Variants in PGPEP1L observed in about 807,000 individuals in gnomAD.
PGPEP1L encodes the protein pyroglutamyl-peptidase I like, also known as pyroglutamyl-peptidase 1-like protein.
In PGPEP1L, 7 loss-of-function variants were observed where a neutral mutation model predicts 6.0. The observed-to-expected ratio is 1.17, with a 90% CI of 0.66 to 2.19. The LOEUF is 2.19. Among genes scored for constraint, PGPEP1L ranks in the 30% most tolerant of loss-of-function variants. The probability of loss-of-function intolerance (pLI) is 0.00; values close to 1 mark genes in which losing one functional copy is unlikely to be tolerated. For synonymous variants in PGPEP1L, 103 were observed against 83.9 expected (o/e 1.23, Z -1.24); for missense variants, 209 against 192.5 (o/e 1.09, Z -0.51).
chr15:98,979,645 T>C (rs2017627972), intron 2 of PGPEP1L, among the ~76,000 whole-genome samples: 2 of 36,346 alleles, frequency 5.5e-5, no homozygotes, highest in African/African-American at 1.5e-4. Context: ...TTTTTTTTTT[T>C]TTTTTTTTTT....
chr15:98,993,501 A>G (rs1173660714), intron 2 of PGPEP1L, among the ~76,000 whole-genome samples: 4 of 152,232 alleles, frequency 2.6e-5, no homozygotes, highest in African/African-American at 9.6e-5. Flanking sequence ...TGTTGGTGGG[A>G]GTGTAAACTA....
chr15:99,007,199 G>A (rs1290360010), intron 1 of PGPEP1L, among the ~76,000 whole-genome samples, 160 bp downstream of exon 1: 24 of 152,186 alleles, frequency 1.6e-4, no homozygotes, highest in Admixed American at 1.6e-3. Context: ...TCCCTGTCCT[G>A]AGAAGCTGGG....
intron 2 of PGPEP1L, chr15:98,998,271 C>T (rs1174547473): frequency 6.6e-6 from 1 of 152,514 alleles, no homozygotes; most frequent in East Asian, 1.9e-4. Context: ...TCTGTTCCTG[C>T]TCCTCAGACC....
At chr15:98,971,191 TGATGGGG>T (rs2017489660) in intron 2 of PGPEP1L, 33 bp from the exon 3 acceptor site, 1 of 472,176 alleles carries the variant, frequency 2.1e-6, no homozygotes, top group Non-Finnish European at 3.0e-6. Flanking sequence ...TTGCCTCAGT[TGATGGGG>T]GGGGGGGGGG....
intron 1 of PGPEP1L, 47 bp downstream of exon 1, chr15:99,007,312 G>A (rs1405513442): frequency 6.6e-6 from 1 of 152,250 alleles, no homozygotes; most frequent in Non-Finnish European, 1.5e-5. Flanking sequence ...TGTAGACTTG[G>A]TCTCTACCTC....
In PGPEP1L at chr15:98,970,250, G is replaced by C. The variant is rs962078887; in HGVS notation, c.-18-599C>G. Among the ~76,000 whole-genome samples, 6 of 151,264 alleles carry C rather than the reference G, an allele frequency of 4.0e-5. No individual in the cohort carries two copies. In the East Asian group the frequency reaches 1.2e-3, roughly 29 times the overall value. ...GTAGAGATGGGATTTCACCATGTTG[G>C]CCAGGCTGGTCTCAAACTCCTGACC... is the stretch of plus-strand genomic sequence containing the variant. On this transcript the variant is annotated intron_variant, in intron 3 of 4. Coordinates refer to ENST00000535714, the MANE Select transcript of PGPEP1L (RefSeq NM_001167902.2).
intron 2 of PGPEP1L, among the ~76,000 whole-genome samples, chr15:99,000,896 T>G (rs868965883): frequency 5.6e-4 from 85 of 152,182 alleles, no homozygotes; most frequent in Middle Eastern, 6.8e-3. Context: ...CTCTTTACAA[T>G]CAATCTTGCT....
At chr15:98,995,276 T>TA (rs2017871970) in intron 2 of PGPEP1L, among the ~76,000 whole-genome samples, 1 of 152,270 alleles carries the variant, frequency 6.6e-6, no homozygotes, top group Non-Finnish European at 1.5e-5. Flanking sequence ...ATCTGTCTTC[T>TA]AGTTCACTAA....
chr15:98,986,690 T>A (rs1912010), intron 2 of PGPEP1L, among the ~76,000 whole-genome samples: 5 of 152,082 alleles, frequency 3.3e-5, no homozygotes, highest in South Asian at 2.1e-4. Flanking sequence ...GGCTGGCATC[T>A]GAAGTGGGGA....
chr15:98,991,221 A>G (rs1596523257), intron 2 of PGPEP1L, among the ~76,000 whole-genome samples: 1 of 152,172 alleles, frequency 6.6e-6, no homozygotes, highest in South Asian at 2.1e-4. Flanking sequence ...TAGCCAGACT[A>G]ATAAAGAAAA....
chr15:98,971,346 C>T (rs1414678813), intron 2 of PGPEP1L, among the ~76,000 whole-genome samples, 188 bp from the exon 3 acceptor site: 1 of 152,054 alleles, frequency 6.6e-6, no homozygotes, highest in Non-Finnish European at 1.5e-5. Context: ...ACCAGAGAGG[C>T]AAATGCACAC....
At chr15:98,972,267 C>G (rs2017507247) in intron 2 of PGPEP1L, among the ~76,000 whole-genome samples, 1 of 152,074 alleles carries the variant, frequency 6.6e-6, no homozygotes. Context: ...GCAGGAGAAT[C>G]ACTTGAACCT....
rs375505586 is a variant in PGPEP1L, at chr15:98,968,646, G to A, written c.261C>T (p.Cys87=). ...GTGGAGGGACATGGATGAGTGCCGC[G>A]CAGCCCTTTCCATGATGCAGAGACA... ...YYLSLHHGKG[C]AALIHVPPLS... Residue 87 remains cysteine (C), a synonymous_variant, in exon 5 of 5, where the codon TGC becomes TGT. Transcript: ENST00000535714. The A allele has an allele frequency of 1.5e-4, 246 of 1,594,604 alleles. No homozygotes were observed. Among genetic ancestry groups the A allele is most frequent in the East Asian group, 1.1e-3 (48 of 44,144 alleles).
chr15:98,971,476 A>C (rs751477741), intron 2 of PGPEP1L, among the ~76,000 whole-genome samples: 3 of 152,186 alleles, frequency 2.0e-5, no homozygotes, highest in Non-Finnish European at 4.4e-5. Context: ...CCTGGGTGAC[A>C]GAGCTAGACT....
At chr15:98,993,202 A>G (rs1259142510) in intron 2 of PGPEP1L, among the ~76,000 whole-genome samples, 1 of 152,212 alleles carries the variant, frequency 6.6e-6, no homozygotes, top group African/African-American at 2.4e-5. Flanking sequence ...TTTGCAATCT[A>G]CCCACCTGAC....
intron 2 of PGPEP1L, among the ~76,000 whole-genome samples, chr15:98,994,785 T>C (rs938019183): frequency 1.3e-5 from 2 of 152,252 alleles, no homozygotes; most frequent in Non-Finnish European, 2.9e-5. Context: ...GTGTTTGTTT[T>C]TATAAAAATG....
At chr15:99,004,654 G>A (rs1292338006) in intron 2 of PGPEP1L, among the ~76,000 whole-genome samples, 12 of 152,220 alleles carry the variant, frequency 7.9e-5, no homozygotes, top group Admixed American at 6.5e-5. Flanking sequence ...GGAGGCGGAG[G>A]CTGCAGTGAG....
chr15:98,996,581 A>G (rs1248159741), intron 2 of PGPEP1L, among the ~76,000 whole-genome samples: 3 of 151,424 alleles, frequency 2.0e-5, no homozygotes, highest in Non-Finnish European at 4.4e-5. Context: ...TGCATGTATT[A>G]TGTGTGTTGT....
chr15:98,968,770 C>A lies in PGPEP1L; in HGVS notation c.210-73G>T. On this transcript the variant is annotated intron_variant, in intron 4 of 4. Transcript: ENST00000535714. Reference sequence around the variant, plus strand: ...CTCAGTGAAACATACGCAGAAGTGGCAATGCAACACCCACAAAGCCTGAGG... The same window carrying A: ...CTCAGTGAAACATACGCAGAAGTGGAAATGCAACACCCACAAAGCCTGAGG... 3 of 1,363,748 alleles carry A rather than the reference C, an allele frequency of 2.2e-6. No individual in the cohort carries two copies. In the South Asian group the frequency reaches 3.8e-5, roughly 17 times the overall value. 84.5% of individuals were successfully genotyped at this position (1,363,748 alleles called of 1,614,324 possible). A position where few individuals can be genotyped will look rare whatever the true frequency, so the allele number is the denominator to read the frequency against.
Sources: gnomAD v4.1 joint callset for allele counts (sites outside exome capture counted in the v4.1 genomes callset) on GRCh38, gnomAD v4.1.1 for gene constraint, MANE v1.5 for transcripts, NCBI Gene and HGNC (gene_info 2026-07-23, HGNC 2026-07-21) for gene names.